CD151: variants seen among roughly 807,000 people sequenced by gnomAD.
CD151 encodes CD151 antigen.
In CD151, 20 loss-of-function variants were observed where a neutral mutation model predicts 34.2. The ratio of observed to expected loss-of-function variants is 0.58; its 90% CI spans 0.41 to 0.85. The LOEUF is 0.85. Ranked by LOEUF, CD151 falls within the 40% of genes least tolerant of loss-of-function variation. The pLI is 0.00. For missense variants in CD151, 306 were observed against 324.5 expected, an observed-to-expected ratio of 0.94 and a Z score of 0.44; for synonymous variants, 157 against 131.7, an observed-to-expected ratio of 1.19 and a Z score of -1.32.
chr11:837,619 G>A lies in CD151; in HGVS notation c.615+1G>A. Reference sequence around the variant, plus strand: ...TGCCTCCAACATCTACAAGGTGGAGGTGGGTGTGCAGCGGGATCATGCCTC... The same window carrying A: ...TGCCTCCAACATCTACAAGGTGGAGATGGGTGTGCAGCGGGATCATGCCTC... On this transcript the variant is annotated splice_donor_variant, in intron 7 of 8. Coordinates refer to ENST00000397420, the MANE Select transcript of CD151 (RefSeq NM_004357.5). LOFTEE classifies it high-confidence loss of function. 1.2e-6 allele frequency: 2 copies of A among 1,611,602 alleles called. No homozygotes were observed. The highest frequency in any genetic ancestry group is 1.1e-5 in the South Asian group (1 of 91,020).
intron 2 of CD151, chr11:835,287 C>T (rs577622632): frequency 1.3e-5 from 2 of 152,432 alleles, no homozygotes; most frequent in South Asian, 2.1e-4. Context: ...CCTCCCAGGA[C>T]AGTGGCTGGC....
chr11:835,655 T>C (rs947802094), intron 2 of CD151: 1 of 173,014 alleles, frequency 5.8e-6, no homozygotes, highest in African/African-American at 2.4e-5. Flanking sequence ...TTTCCTCTAC[T>C]TTCTTTGGGT....
Position 837,557 on chromosome 11 carries a change from GC to G in CD151, c.555del (p.Cys185Ter). The G allele has an allele frequency of 6.2e-7, 1 of 1,613,154 alleles. No individual in the cohort carries two copies. Among genetic ancestry groups the G allele is most frequent in the Non-Finnish European group, 8.5e-7 (1 of 1,179,968 alleles). Reference sequence around the variant, plus strand: ...GGCCGTGTGGTCCCAGACAGCTGCTGCAAGACGGTGGTGGCTCTTTGTGGGC... The same window carrying G: ...GGCCGTGTGGTCCCAGACAGCTGCTGAAGACGGTGGTGGCTCTTTGTGGGC... Reference protein sequence around the residue: ...AGGRVVPDSCCKTVVALCGQR... With the variant: ...AGGRVVPDSCXKTVVALCGQR... On this transcript the variant is annotated frameshift_variant, in exon 7 of 9. Transcript: ENST00000397420. LOFTEE classifies it high-confidence loss of function.
Position 838,015 on chromosome 11 carries a change from T to C in CD151, c.689T>C (p.Ile230Thr), listed in dbSNP as rs1268849857. 6.2e-7 allele frequency: 1 copy of C among 1,613,304 alleles called. No individual in the cohort carries two copies. The highest frequency in any genetic ancestry group is 1.3e-5 in the African/African-American group (1 of 74,938). Residue 230 changes from isoleucine (I) to threonine (T), a missense_variant, in exon 8 of 9, where the codon ATT becomes ACT. Transcript: ENST00000397420. ...LRVIGAVGIG[I>T]ACVQVFGMIF... ...GTCATTGGGGCTGTGGGGATCGGCA[T>C]TGCCTGTGTGCAGGTGAGGGCACAT...
At position 837,240 on chromosome 11, in the gene CD151, C is replaced by T. The variant is rs1456287808; in HGVS notation, c.352-10C>T. On this transcript the variant is annotated splice_polypyrimidine_tract_variant and intron_variant, in intron 5 of 8. Coordinates refer to ENST00000397420, the MANE Select transcript of CD151 (RefSeq NM_004357.5). ...GACTGAGGCTGAAGTTTCCTGCACCCCAACCCCAGCTGAACACGGAGCTCA... is the reference window on the plus strand; with the variant it reads ...GACTGAGGCTGAAGTTTCCTGCACCTCAACCCCAGCTGAACACGGAGCTCA... The T allele has an allele frequency of 6.2e-7, 1 of 1,609,236 alleles. No homozygotes were observed. Among genetic ancestry groups the T allele is most frequent in the African/African-American group, 1.3e-5 (1 of 74,832 alleles).
In CD151 at chr11:837,466, T is replaced by G. The variant is rs761612572; in HGVS notation, c.463T>G (p.Cys155Gly). The change falls in exon 7 of 9, where the codon TGC (cysteine) becomes GGC (glycine). Residue 155 changes from cysteine to glycine, a missense_variant. Coordinates refer to ENST00000397420, the MANE Select transcript of CD151 (RefSeq NM_004357.5). The stretch of plus-strand genomic sequence containing the variant: ...AGCCTTGTTCTTGATGCAGTTCCAC[T>G]GCTGTGGCAGCAACAACTCACAGGA... ...AVDQLQQEFHCCGSNNSQDWR... is the reference protein window; with the variant it reads ...AVDQLQQEFHGCGSNNSQDWR... 6.2e-7 allele frequency: 1 copy of G among 1,612,828 alleles called. No individual in the cohort carries two copies. The highest frequency in any genetic ancestry group is 1.3e-5 in the African/African-American group (1 of 74,928).
chr11:838,369 T>C lies in CD151; in HGVS notation c.*177T>C. The stretch of plus-strand genomic sequence containing the variant: ...GCGCACCAATGCCCAGCAGGGGAGG[T>C]GAGGGGGGCTGGCGGGGCGAAGTTT... On this transcript the variant is annotated 3_prime_UTR_variant, in exon 9 of 9. Transcript: ENST00000397420. 1 of 421,496 alleles carries C rather than the reference T, an allele frequency of 2.4e-6. No homozygotes were observed. The highest frequency in any genetic ancestry group is 4.1e-6 in the Non-Finnish European group (1 of 241,828). The allele number at this position is 421,496 out of a possible 1,614,324, so 26.1% of individuals were successfully genotyped here.
intron 1 of CD151, among the ~76,000 whole-genome samples, chr11:833,792 TCCC>T (rs1406884208): frequency 2.4e-5 from 1 of 41,544 alleles, no homozygotes; most frequent in Non-Finnish European, 5.5e-5. Flanking sequence ...GGCTCACACA[TCCC>T]CCCATCGGTG....
rs753552612 is a variant in CD151 at position 837,434 on chromosome 11, C to G, written c.457-26C>G. On this transcript the variant is annotated intron_variant, in intron 6 of 8. Transcript: ENST00000397420. ...TGCAGGAGCCTCTGGCCCCAGGTCT[C>G]AACCCCAGCCTTGTTCTTGATGCAG... 7 of 1,612,058 alleles carry G rather than the reference C, an allele frequency of 4.3e-6. No individual in the cohort carries two copies. The South Asian group carries it at 7.7e-5, about 18-fold the overall frequency.
In CD151 at chr11:836,141, T is replaced by C. The variant is rs1231491190; in HGVS notation, c.72T>C (p.Asn24=). The change falls in exon 3 of 9, where the codon AAT becomes AAC. Residue 24 remains asparagine (N), a synonymous_variant. Transcript: ENST00000397420. The part of the protein sequence containing the change: ...VCLKYLLFTY[N]CCFWLAGLAV... ...TCAAGTACCTGCTGTTTACCTACAA[T>C]TGCTGCTTCTGGGTGAGGAGGGGTC... 1.2e-6 allele frequency: 2 copies of C among 1,612,488 alleles called. No homozygotes were observed. Among genetic ancestry groups the C allele is most frequent in the Admixed American group, 3.3e-5 (2 of 60,024 alleles).
intron 4 of CD151, 109 bp downstream of exon 4, chr11:836,551 C>T: frequency 1.1e-6 from 1 of 887,632 alleles, no homozygotes; most frequent in African/African-American, 1.8e-5. Flanking sequence ...GGGGGGGGGT[C>T]ACGGTCCTTC....
chr11:837,669 G>GCCC, intron 7 of CD151, 51 bp downstream of exon 7: 1 of 1,517,610 alleles, frequency 6.6e-7, no homozygotes, highest in Non-Finnish European at 9.0e-7. Context: ...TGGTGGGGGG[G>GCCC]CACCCCAGTG....
chr11:836,586 C>T (rs948684526), intron 4 of CD151, 144 bp downstream of exon 4: 7 of 829,928 alleles, frequency 8.4e-6, no homozygotes, highest in Non-Finnish European at 9.5e-6. Flanking sequence ...CCTGTGGGTC[C>T]CCACGTTCCT....
rs754388960 is a variant in CD151, at chr11:836,289, G to A, written c.123G>A (p.Thr41=). 75 of 1,612,524 alleles carry A rather than the reference G, an allele frequency of 4.7e-5. No individual in the cohort carries two copies. Among genetic ancestry groups the A allele is most frequent in the African/African-American group, 4.0e-5 (3 of 74,910 alleles). The part of the protein sequence containing the change: ...GLAVMAVGIW[T]LALKSDYISL... Reference sequence around the variant, plus strand: ...CTGTCATGGCAGTGGGCATCTGGACGCTGGCCCTCAAGAGTGACTACATCA... The same window carrying A: ...CTGTCATGGCAGTGGGCATCTGGACACTGGCCCTCAAGAGTGACTACATCA... Residue 41 remains threonine, a synonymous_variant, in exon 4 of 9, where the codon ACG becomes ACA. Coordinates refer to ENST00000397420, the MANE Select transcript of CD151 (RefSeq NM_004357.5).
At chr11:838,063 G>C in intron 8 of CD151, 35 bp downstream of exon 8, 1 of 1,609,196 alleles carries the variant, frequency 6.2e-7, no homozygotes, top group South Asian at 1.1e-5. Context: ...CATCTTGTTG[G>C]GGACACGGGG....
At chr11:837,669 G>C (rs1469832644) in intron 7 of CD151, 51 bp downstream of exon 7, 2 of 1,517,502 alleles carry the variant, frequency 1.3e-6, no homozygotes, top group Admixed American at 1.7e-5. Flanking sequence ...TGGTGGGGGG[G>C]CACCCCAGTG....
At chr11:837,028 C>T (rs1846801328) in intron 5 of CD151, 185 bp downstream of exon 5, 2 of 660,480 alleles carry the variant, frequency 3.0e-6, no homozygotes, top group East Asian at 2.7e-5. Flanking sequence ...GGCAGGTGTC[C>T]AGGGGATCCA....
chr11:836,546 G>A (rs1420903521), intron 4 of CD151, 104 bp downstream of exon 4: 3 of 936,156 alleles, frequency 3.2e-6, no homozygotes, highest in Non-Finnish European at 4.8e-6. Flanking sequence ...ACCTGGGGGG[G>A]GGGTCACGGT....
chr11:836,481 G>C (rs768756178), intron 4 of CD151, 39 bp downstream of exon 4: 2 of 1,480,506 alleles, frequency 1.4e-6, no homozygotes, highest in Non-Finnish European at 9.2e-7. Flanking sequence ...GGGTGGTGCA[G>C]ATGGGCCCAA....
Sources: allele counts gnomAD v4.1 joint callset (sites outside exome capture counted in the v4.1 genomes callset), GRCh38; gene constraint gnomAD v4.1.1; transcripts MANE v1.5; gene names NCBI Gene and HGNC (gene_info 2026-07-23, HGNC 2026-07-21).